Variants in OSBPL10 observed in about 807,000 individuals in gnomAD.
The protein encoded by OSBPL10 is oxysterol binding protein like 10.
OSBPL10 carries 49 observed loss-of-function variants against 81.7 expected under a neutral mutation model. The ratio of observed to expected loss-of-function variants is 0.60; its 90% CI spans 0.48 to 0.76. The LOEUF (loss-of-function observed/expected upper bound fraction) is 0.76, where lower values mean the gene tolerates loss of function less well. Among genes scored for constraint, OSBPL10 ranks in the 30% least tolerant of loss-of-function variants. The probability of loss-of-function intolerance (pLI) is 0.00; values close to 1 mark genes in which losing one functional copy is unlikely to be tolerated. For synonymous variants in OSBPL10, 419 were observed against 383.6 expected (o/e 1.09, Z -1.08); for missense variants, 923 against 987.8 (o/e 0.93, Z 0.88).
chr3:31,830,318 A>G lies in OSBPL10; in HGVS notation c.538-87T>C, dbSNP rs542448208. On this transcript the variant is annotated intron_variant, in intron 3 of 11. Coordinates refer to ENST00000396556, the MANE Select transcript of OSBPL10 (RefSeq NM_017784.5). The stretch of plus-strand genomic sequence containing the variant: ...GCTTCTATTCATTTTGGACCTCTTC[A>G]TCTTTCCCCTTCCTCTCTTTAGGGA... 11 of 1,329,886 alleles carry G rather than the reference A, an allele frequency of 8.3e-6. No homozygotes were observed. The South Asian group carries it at 1.0e-4, about 12-fold the overall frequency. The allele number at this position is 1,329,886 out of a possible 1,614,324, so 82.4% of individuals were successfully genotyped here.
intron 2 of OSBPL10, among the ~76,000 whole-genome samples, chr3:32,032,505 T>G (rs1421741979): frequency 6.6e-6 from 1 of 152,132 alleles, no homozygotes; most frequent in Admixed American, 6.6e-5. Context: ...GCAATCTATA[T>G]ATTTTGTTTT....
At chr3:32,058,497 T>C (rs1699729559) in intron 1 of OSBPL10, among the ~76,000 whole-genome samples, 1 of 152,110 alleles carries the variant, frequency 6.6e-6, no homozygotes, top group African/African-American at 2.4e-5. Flanking sequence ...CTGGCTAATT[T>C]TGTATTTTCA....
chr3:31,696,494 A>G (rs945766490), intron 7 of OSBPL10, among the ~76,000 whole-genome samples: 5 of 152,270 alleles, frequency 3.3e-5, no homozygotes, highest in African/African-American at 9.6e-5. Flanking sequence ...AAAGCCAAAT[A>G]CAATGGTCCA....
intron 3 of OSBPL10, among the ~76,000 whole-genome samples, chr3:31,856,453 T>G (rs1700914867): frequency 6.6e-6 from 1 of 152,158 alleles, no homozygotes; most frequent in Non-Finnish European, 1.5e-5. Context: ...AATTACCCAA[T>G]AGCAGAAATA....
At chr3:31,807,913 G>A (rs982314771) in intron 4 of OSBPL10, among the ~76,000 whole-genome samples, 8 of 152,168 alleles carry the variant, frequency 5.3e-5, no homozygotes, top group African/African-American at 1.7e-4. Context: ...ATAGGAAAGT[G>A]TTTTAAGAAT....
At chr3:31,682,377 G>C (rs990181806) in intron 8 of OSBPL10, among the ~76,000 whole-genome samples, 1 of 152,142 alleles carries the variant, frequency 6.6e-6, no homozygotes, top group Admixed American at 6.6e-5. Flanking sequence ...ATGTGATCTG[G>C]CCACCATCAC....
chr3:31,922,414 T>G (rs1281268469), intron 1 of OSBPL10, among the ~76,000 whole-genome samples: 2 of 151,998 alleles, frequency 1.3e-5, no homozygotes, highest in African/African-American at 4.8e-5. Flanking sequence ...AGGTCAGGAG[T>G]TCGAGACCAG....
At chr3:31,995,923 C>T (rs1699086772) in intron 2 of OSBPL10, among the ~76,000 whole-genome samples, 1 of 152,106 alleles carries the variant, frequency 6.6e-6, no homozygotes, top group South Asian at 2.1e-4. Context: ...ATCTCCCCTT[C>T]CTGATTTGCC....
intron 1 of OSBPL10, among the ~76,000 whole-genome samples, chr3:31,886,635 T>C (rs968253125): frequency 1.3e-5 from 2 of 152,220 alleles, no homozygotes; most frequent in Admixed American, 1.3e-4. Context: ...CTATGCCATG[T>C]TCTTCAGCTT....
chr3:31,754,003 T>G (rs944981422), intron 4 of OSBPL10, among the ~76,000 whole-genome samples: 12 of 152,070 alleles, frequency 7.9e-5, no homozygotes, highest in African/African-American at 2.7e-4. Flanking sequence ...AACATCTGAG[T>G]GTTGGGGCAC....
At position 31,885,828 on chromosome 3, in the gene OSBPL10, C is replaced by CAAA. The variant is rs34871532; in HGVS notation, c.282-6001_282-5999dup. On this transcript the variant is annotated intron_variant, in intron 1 of 11. Coordinates refer to ENST00000396556, the MANE Select transcript of OSBPL10 (RefSeq NM_017784.5). ...TGAAACCCCATCTCTACTAAAAATACAAAAAAAAAAAAAAAAATTAGCCTG... is the reference window on the plus strand; with the variant it reads ...TGAAACCCCATCTCTACTAAAAATACAAAAAAAAAAAAAAAAAAAATTAGCCTG... 4.5e-3 allele frequency among the ~76,000 whole-genome samples: 551 copies of CAAA among 122,596 alleles called. 10 individuals carry two copies. The highest frequency in any genetic ancestry group is 0.024 in the South Asian group (90 of 3,696). The allele number at this position is 122,596 out of a possible 152,430, so 80.4% of individuals were successfully genotyped here.
intron 2 of OSBPL10, among the ~76,000 whole-genome samples, chr3:32,011,925 A>C (rs2125539818): frequency 6.6e-6 from 1 of 152,372 alleles, no homozygotes; most frequent in East Asian, 1.9e-4. Flanking sequence ...CAAAGCCTCC[A>C]AGAAATATGG....
intron 1 of OSBPL10, among the ~76,000 whole-genome samples, chr3:31,888,618 GA>G (rs1056423742): frequency 2.6e-5 from 4 of 151,464 alleles, no homozygotes; most frequent in South Asian, 4.2e-4. Context: ...AAACAACAGC[GA>G]AAAAAAACCA....
chr3:31,965,014 A>T (rs1328807067), intron 1 of OSBPL10, among the ~76,000 whole-genome samples: 1 of 152,174 alleles, frequency 6.6e-6, no homozygotes, highest in Admixed American at 6.5e-5. Context: ...TCATCCAATG[A>T]CAACCAAATA....
At position 31,882,059 on chromosome 3, in the gene OSBPL10, G is replaced by C. The variant is rs145479082; in HGVS notation, c.282-2229C>G. 3.0e-4 allele frequency among the ~76,000 whole-genome samples: 46 copies of C among 152,210 alleles called. No individual in the cohort carries two copies. In the East Asian group the frequency reaches 8.5e-3, roughly 28 times the overall value. ...CATACTTCATTCTCCAAATCTCCCT[G>C]TTCCAACAGAGATAATGAAGCTGAA... On this transcript the variant is annotated intron_variant, in intron 1 of 11. Transcript: ENST00000396556.
intron 2 of OSBPL10, among the ~76,000 whole-genome samples, chr3:32,020,375 ATTT>A (rs1179472427): frequency 6.6e-6 from 1 of 152,126 alleles, no homozygotes; most frequent in Non-Finnish European, 1.5e-5. Context: ...CTCTCTGGAC[ATTT>A]CATGTCATAC....
chr3:31,954,728 C>T (rs1697959685), intron 1 of OSBPL10, among the ~76,000 whole-genome samples: 1 of 152,108 alleles, frequency 6.6e-6, no homozygotes, highest in Non-Finnish European at 1.5e-5. Context: ...GCAATGTACA[C>T]TTAGGATTTG....
At chr3:31,914,404 CT>C (rs1189100890) in intron 1 of OSBPL10, among the ~76,000 whole-genome samples, 1 of 152,186 alleles carries the variant, frequency 6.6e-6, no homozygotes, top group African/African-American at 2.4e-5. Flanking sequence ...TTATCAGAGT[CT>C]GTAAATATGC....
chr3:31,696,943 T>A (rs1695738793), intron 7 of OSBPL10, among the ~76,000 whole-genome samples: 1 of 152,188 alleles, frequency 6.6e-6, no homozygotes, highest in South Asian at 2.1e-4. Context: ...AGCCCCAACA[T>A]CTCCAACGTG....
Sources: gnomAD v4.1 joint callset for allele counts (sites outside exome capture counted in the v4.1 genomes callset) on GRCh38, gnomAD v4.1.1 for gene constraint, MANE v1.5 for transcripts, NCBI Gene and HGNC (gene_info 2026-07-23, HGNC 2026-07-21) for gene names.